RSPRY1: variants seen among roughly 807,000 people sequenced by gnomAD.
RSPRY1 encodes the protein RING finger and SPRY domain-containing protein 1.
In RSPRY1, 23 loss-of-function variants were observed where a neutral mutation model predicts 73.1. The ratio of observed to expected loss-of-function variants is 0.31; its 90% CI spans 0.23 to 0.45. RSPRY1 has a LOEUF of 0.45. RSPRY1 is among the 20% of genes least tolerant of loss of function. The pLI is 1.00. For missense variants in RSPRY1, 448 were observed against 698.7 expected, an observed-to-expected ratio of 0.64 and a Z score of 4.05; for synonymous variants, 226 against 251.4, an observed-to-expected ratio of 0.90 and a Z score of 0.95.
At chr16:57,214,781 C>T (rs1417795104) in intron 6 of RSPRY1, among the ~76,000 whole-genome samples, 2 of 152,234 alleles carry the variant, frequency 1.3e-5, no homozygotes, top group Non-Finnish European at 2.9e-5. Context: ...ATAAGCCCGG[C>T]ATTTTGGGAG....
At chr16:57,211,118 A>G (rs1204145433) in intron 4 of RSPRY1, among the ~76,000 whole-genome samples, 2 of 152,208 alleles carry the variant, frequency 1.3e-5, no homozygotes, top group Admixed American at 6.5e-5. Flanking sequence ...AAAAGTTTTA[A>G]GAATGTTTTT....
chr16:57,188,441 T>C (rs2074290519), intron 1 of RSPRY1, among the ~76,000 whole-genome samples: 1 of 152,204 alleles, frequency 6.6e-6, no homozygotes, highest in East Asian at 1.9e-4. Context: ...TCGTACTTGT[T>C]AGAGATGGTT....
Position 57,238,873 on chromosome 16 carries a change from C to T in RSPRY1, c.1635-6C>T. ...ACTTGACTGACTTTTCTGTGTTTCT[C>T]CCCAGTGACCTGTGCATGGATTGTG... On this transcript the variant is annotated splice_polypyrimidine_tract_variant and splice_region_variant and intron_variant, in intron 14 of 14. Coordinates refer to ENST00000394420, the MANE Select transcript of RSPRY1 (RefSeq NM_133368.3). 3.2e-6 allele frequency: 5 copies of T among 1,549,694 alleles called. No individual in the cohort carries two copies. Among genetic ancestry groups the T allele is most frequent in the South Asian group, 1.3e-5 (1 of 79,756 alleles).
chr16:57,197,515 A>G (rs1332723160), intron 1 of RSPRY1, among the ~76,000 whole-genome samples: 2 of 152,142 alleles, frequency 1.3e-5, no homozygotes, highest in Non-Finnish European at 2.9e-5. Context: ...TAAAAAAAAA[A>G]AGTCTGGCTT....
chr16:57,239,839 A>G lies in RSPRY1; in HGVS notation c.*864A>G, dbSNP rs1316345639. ...GTTAAAAAAAATTTTTTTAATCAGTATTGTTTTTACAAGTAATATACTTTG... is the reference window on the plus strand; with the variant it reads ...GTTAAAAAAAATTTTTTTAATCAGTGTTGTTTTTACAAGTAATATACTTTG... On this transcript the variant is annotated 3_prime_UTR_variant, in exon 15 of 15. Coordinates refer to ENST00000394420, the MANE Select transcript of RSPRY1 (RefSeq NM_133368.3). 3.3e-5 allele frequency: 5 copies of G among 152,126 alleles called. No individual in the cohort carries two copies. The highest frequency in any genetic ancestry group is 5.9e-5 in the Non-Finnish European group (4 of 68,002). The allele number at this position is 152,126 out of a possible 1,614,324, so 9.4% of individuals were successfully genotyped here. A position where few individuals can be genotyped will look rare whatever the true frequency, so the allele number is the denominator to read the frequency against.
intron 1 of RSPRY1, among the ~76,000 whole-genome samples, chr16:57,201,825 GGTGC>G (rs2074617779): frequency 6.6e-6 from 1 of 152,238 alleles, no homozygotes; most frequent in Non-Finnish European, 1.5e-5. Flanking sequence ...CAGGCGTGGC[GGTGC>G]GCGCCTGCAA....
chr16:57,230,247 G>A (rs2075194305), intron 11 of RSPRY1, among the ~76,000 whole-genome samples: 1 of 152,002 alleles, frequency 6.6e-6, no homozygotes. Flanking sequence ...CCTGACCTCA[G>A]GTGATCCGCC....
chr16:57,209,268 T>G, intron 4 of RSPRY1, 81 bp downstream of exon 4: 2 of 907,896 alleles, frequency 2.2e-6, no homozygotes, highest in South Asian at 3.0e-5. Context: ...ATTTGATGTA[T>G]TGTGTTTCAT....
chr16:57,211,438 G>A (rs755015679), intron 4 of RSPRY1, among the ~76,000 whole-genome samples: 13 of 152,042 alleles, frequency 8.6e-5, no homozygotes, highest in Admixed American at 1.3e-4. Flanking sequence ...GCACGATGGC[G>A]TGCACCTGTA....
Position 57,240,432 on chromosome 16 carries a change from T to G in RSPRY1, c.*1457T>G, listed in dbSNP as rs1220705867. 1 of 152,058 alleles carries G rather than the reference T, an allele frequency of 6.6e-6. No homozygotes were observed. Among genetic ancestry groups the G allele is most frequent in the African/African-American group, 2.4e-5 (1 of 41,398 alleles). The allele number at this position is 152,058 out of a possible 1,614,324, so 9.4% of individuals were successfully genotyped here. ...CTTTAGCTTGTGGTGAATACAGTAA[T>G]TTGCATTGAAGAATAAAACATCTGT... On this transcript the variant is annotated 3_prime_UTR_variant, in exon 15 of 15. Coordinates refer to ENST00000394420, the MANE Select transcript of RSPRY1 (RefSeq NM_133368.3).
intron 1 of RSPRY1, among the ~76,000 whole-genome samples, chr16:57,189,337 C>T (rs1320517503): frequency 3.3e-5 from 5 of 151,846 alleles, no homozygotes; most frequent in African/African-American, 7.3e-5. Flanking sequence ...GGAGGTATAC[C>T]AGCATACTCT....
rs2075340339 is a variant in RSPRY1 at position 57,238,909 on chromosome 16, G to A, written c.1665G>A (p.Leu555=). 1.2e-6 allele frequency: 2 copies of A among 1,607,612 alleles called. No homozygotes were observed. Among genetic ancestry groups the A allele is most frequent in the Admixed American group, 1.7e-5 (1 of 59,100 alleles). The part of the protein sequence containing the change: ...SDLCMDCALQ[L]ETCPLCRKEI... ...TGTGCATGGATTGTGCCTTGCAGCTGGAGACCTGCCCATTGTGTCGTAAAG... is the reference window on the plus strand; with the variant it reads ...TGTGCATGGATTGTGCCTTGCAGCTAGAGACCTGCCCATTGTGTCGTAAAG... Residue 555 remains leucine (L), a synonymous_variant, in exon 15 of 15, where the codon CTG becomes CTA. Transcript: ENST00000394420.
intron 2 of RSPRY1, among the ~76,000 whole-genome samples, chr16:57,205,594 TCA>T (rs2074709636): frequency 6.6e-6 from 1 of 152,176 alleles, no homozygotes; most frequent in South Asian, 2.1e-4. Context: ...AAATACAAAA[TCA>T]TAGATTGAAT....
intron 8 of RSPRY1, chr16:57,220,159 A>T (rs2075011243): frequency 6.6e-6 from 1 of 152,202 alleles, no homozygotes; most frequent in East Asian, 1.9e-4. Flanking sequence ...AGTTCTGTAT[A>T]AATTTTAGGA....
chr16:57,198,464 A>G (rs2074494312), intron 1 of RSPRY1, among the ~76,000 whole-genome samples: 2 of 152,210 alleles, frequency 1.3e-5, no homozygotes, highest in South Asian at 4.1e-4. Context: ...AAAAAATGAT[A>G]AAGTTTAAGA....
At chr16:57,207,034 GGT>G (rs1458737308) in intron 2 of RSPRY1, among the ~76,000 whole-genome samples, 1 of 152,116 alleles carries the variant, frequency 6.6e-6, no homozygotes, top group Non-Finnish European at 1.5e-5. Flanking sequence ...ATTTTCATCT[GGT>G]GATGGTCACT....
At chr16:57,233,131 A>G (rs540270598) in intron 13 of RSPRY1, among the ~76,000 whole-genome samples, 12 of 152,232 alleles carry the variant, frequency 7.9e-5, no homozygotes, top group African/African-American at 2.9e-4. Context: ...TCAGGGTAGG[A>G]GCTCATGGCC....
At chr16:57,200,016 A>G (rs1597863478) in intron 1 of RSPRY1, among the ~76,000 whole-genome samples, 1 of 145,178 alleles carries the variant, frequency 6.9e-6, no homozygotes, top group African/African-American at 2.6e-5. Context: ...ATAAGTGAAC[A>G]AAGGTCTCTG....
At chr16:57,211,220 G>A (rs1369266311) in intron 4 of RSPRY1, among the ~76,000 whole-genome samples, 2 of 150,968 alleles carry the variant, frequency 1.3e-5, no homozygotes, top group Admixed American at 1.3e-4. Context: ...GTTAAGCTCA[G>A]GAGTTTGATA....
Sources: gnomAD v4.1 joint callset for allele counts (sites outside exome capture counted in the v4.1 genomes callset) on GRCh38, gnomAD v4.1.1 for gene constraint, MANE v1.5 for transcripts, NCBI Gene and HGNC (gene_info 2026-07-23, HGNC 2026-07-21) for gene names.